The following KIAA1217 variants were observed in gnomAD, a reference collection of about 807,000 sequenced individuals.
The protein encoded by KIAA1217 is sickle tail protein homolog.
KIAA1217 carries 88 observed loss-of-function variants against 163.9 expected under a neutral mutation model. The observed-to-expected ratio is 0.54, with a 90% CI of 0.45 to 0.64. The LOEUF (loss-of-function observed/expected upper bound fraction) is 0.64. Among genes scored for constraint, KIAA1217 ranks in the 30% least tolerant of loss-of-function variants. The probability of loss-of-function intolerance (pLI) is 0.00; values close to 1 mark genes in which losing one functional copy is unlikely to be tolerated. For missense variants in KIAA1217, 2,372 were observed against 2,475.0 expected, an observed-to-expected ratio of 0.96 and a Z score of 0.88; for synonymous variants, 903 against 923.1, an observed-to-expected ratio of 0.98 and a Z score of 0.39.
intron 2 of KIAA1217, among the ~76,000 whole-genome samples, chr10:24,358,388 C>A (rs1456011583): frequency 6.6e-6 from 1 of 152,042 alleles, no homozygotes; most frequent in Non-Finnish European, 1.5e-5. Context: ...TTGTAGAACA[C>A]CGGGCAGGGA....
At chr10:24,512,896 TAGAG>T (rs1176058572) in intron 9 of KIAA1217, among the ~76,000 whole-genome samples, 1 of 152,200 alleles carries the variant, frequency 6.6e-6, no homozygotes, top group Non-Finnish European at 1.5e-5. Context: ...CACAGTGGGC[TAGAG>T]AGAGAGTATG....
At chr10:23,840,866 AT>A (rs1838744862) in intron 1 of KIAA1217, among the ~76,000 whole-genome samples, 1 of 152,102 alleles carries the variant, frequency 6.6e-6, no homozygotes, top group Non-Finnish European at 1.5e-5. Flanking sequence ...TTGTACTTGC[AT>A]TTTTCCCATC....
At chr10:24,275,967 A>AAAT (rs764288815) in intron 2 of KIAA1217, among the ~76,000 whole-genome samples, 2 of 152,154 alleles carry the variant, frequency 1.3e-5, no homozygotes, top group African/African-American at 2.4e-5. Context: ...ATGTTGCATT[A>AAAT]AATAGCAAAG....
intron 2 of KIAA1217, among the ~76,000 whole-genome samples, chr10:24,080,481 G>A (rs2061503762): frequency 6.6e-6 from 1 of 152,158 alleles, no homozygotes; most frequent in Non-Finnish European, 1.5e-5. Flanking sequence ...CATTAGGTCA[G>A]CAATCCTGAT....
At chr10:24,510,386 T>C (rs1369638746) in intron 9 of KIAA1217, among the ~76,000 whole-genome samples, 1 of 152,148 alleles carries the variant, frequency 6.6e-6, no homozygotes, top group Non-Finnish European at 1.5e-5. Context: ...GGCAGGAGGG[T>C]TAGGTGCCCT....
At chr10:23,722,950 G>T (rs746706632) in intron 1 of KIAA1217, among the ~76,000 whole-genome samples, 2 of 152,152 alleles carry the variant, frequency 1.3e-5, no homozygotes, top group Non-Finnish European at 2.9e-5. Context: ...CATATCCTGA[G>T]TGTTGGCCTC....
At chr10:24,504,423 T>G (rs541092994) in intron 9 of KIAA1217, among the ~76,000 whole-genome samples, 36 of 152,322 alleles carry the variant, frequency 2.4e-4, no homozygotes, top group Non-Finnish European at 4.3e-4. Context: ...CCATTCAGCT[T>G]TCCTCCCCAT....
Position 24,368,756 on chromosome 10 carries a change from A to T in KIAA1217, c.355-12113A>T, listed in dbSNP as rs1008257436. On this transcript the variant is annotated intron_variant, in intron 2 of 20. Coordinates refer to ENST00000376454, the MANE Select transcript of KIAA1217 (RefSeq NM_019590.5). Reference sequence around the variant, plus strand: ...TGTTTGTACCCTTCTCCTCTCACATAGGATCCCAGAAGCTACGGGACTTCC... The same window carrying T: ...TGTTTGTACCCTTCTCCTCTCACATTGGATCCCAGAAGCTACGGGACTTCC... 54 of 642,592 alleles carry T rather than the reference A, an allele frequency of 8.4e-5. No individual in the cohort carries two copies. In the African/African-American group the frequency reaches 1.0e-3, roughly 12 times the overall value. 39.8% of individuals were successfully genotyped at this position (642,592 alleles called of 1,614,324 possible).
At chr10:24,119,925 C>G (rs1392473628) in intron 2 of KIAA1217, among the ~76,000 whole-genome samples, 1 of 152,224 alleles carries the variant, frequency 6.6e-6, no homozygotes, top group Non-Finnish European at 1.5e-5. Flanking sequence ...CCAAGGCTCT[C>G]TACGGACCAG....
At chr10:23,747,347 G>T (rs1253501980) in intron 1 of KIAA1217, among the ~76,000 whole-genome samples, 2 of 152,156 alleles carry the variant, frequency 1.3e-5, no homozygotes, top group East Asian at 1.9e-4. Context: ...TGCATCTTTT[G>T]TTTCCTGGGC....
chr10:24,155,259 G>A (rs957076979), intron 2 of KIAA1217, among the ~76,000 whole-genome samples: 9 of 152,062 alleles, frequency 5.9e-5, no homozygotes, highest in Non-Finnish European at 1.0e-4. Context: ...ATGGCTGTCC[G>A]TAACTGGAGA....
At chr10:24,465,798 G>A (rs112215571) in intron 5 of KIAA1217, among the ~76,000 whole-genome samples, 2 of 152,130 alleles carry the variant, frequency 1.3e-5, no homozygotes, top group African/African-American at 4.8e-5. Flanking sequence ...TGCTGACAGC[G>A]GTTGTAGCCA....
At chr10:24,463,356 C>A (rs898233270) in intron 5 of KIAA1217, among the ~76,000 whole-genome samples, 1 of 152,214 alleles carries the variant, frequency 6.6e-6, no homozygotes, top group Non-Finnish European at 1.5e-5. Context: ...ATAGAAATAA[C>A]GCTCATCTTA....
intron 17 of KIAA1217, among the ~76,000 whole-genome samples, chr10:24,541,787 A>G (rs1435590325): frequency 6.6e-6 from 1 of 152,194 alleles, no homozygotes; most frequent in Non-Finnish European, 1.5e-5. Context: ...TAAGACATGT[A>G]TCTTCAGTCT....
At chr10:23,760,847 G>A (rs1834228677) in intron 1 of KIAA1217, among the ~76,000 whole-genome samples, 1 of 152,124 alleles carries the variant, frequency 6.6e-6, no homozygotes, top group South Asian at 2.1e-4. Flanking sequence ...TTACCAGTCA[G>A]TGAAAAAAAG....
At chr10:24,392,329 A>G (rs2055097386) in intron 3 of KIAA1217, among the ~76,000 whole-genome samples, 1 of 152,236 alleles carries the variant, frequency 6.6e-6, no homozygotes, top group African/African-American at 2.4e-5. Context: ...AAGCAGTTAT[A>G]TATCACAGTT....
intron 1 of KIAA1217, among the ~76,000 whole-genome samples, chr10:23,753,404 C>T (rs552655242): frequency 6.6e-6 from 1 of 152,282 alleles, no homozygotes; most frequent in South Asian, 2.1e-4. Context: ...TGTTTGATTG[C>T]TTCATCTGTA....
At chr10:24,137,870 G>A (rs2063894832) in intron 2 of KIAA1217, among the ~76,000 whole-genome samples, 1 of 152,094 alleles carries the variant, frequency 6.6e-6, no homozygotes, top group South Asian at 2.1e-4. Context: ...GGGTTTAGGT[G>A]GACATGTGAG....
In KIAA1217 at chr10:24,160,826, T is replaced by C. The variant is rs117919164; in HGVS notation, c.-170-58800T>C. Among the ~76,000 whole-genome samples the C allele has an allele frequency of 9.9e-3, 1,504 of 152,334 alleles. 18 individuals are homozygous for C. Among genetic ancestry groups the C allele is most frequent in the Non-Finnish European group, 0.014 (946 of 68,024 alleles). The stretch of plus-strand genomic sequence containing the variant: ...TCAAAAATGTGTAACAGGGATGTAT[T>C]ACTCTTGCCCTGAGAACTTCAACTT... On this transcript the variant is annotated intron_variant, in intron 2 of 18. Transcript: ENST00000376462.
Sources: allele counts gnomAD v4.1 joint callset (sites outside exome capture counted in the v4.1 genomes callset), GRCh38; gene constraint gnomAD v4.1.1; transcripts MANE v1.5; gene names NCBI Gene and HGNC (gene_info 2026-07-23, HGNC 2026-07-21).